Variants in ZGPAT observed in about 807,000 individuals in gnomAD.
The protein encoded by ZGPAT is zinc finger CCCH-type and G-patch domain containing.
Under a neutral mutation model 47.9 loss-of-function variants are expected in ZGPAT, and 39 were observed. The ratio of observed to expected loss-of-function variants is 0.81; its 90% CI spans 0.63 to 1.06. The LOEUF (loss-of-function observed/expected upper bound fraction) is 1.06. Among genes scored for constraint, ZGPAT ranks in the 50% least tolerant of loss-of-function variants. The pLI, the probability that ZGPAT is intolerant of heterozygous loss-of-function variation, is 0.00. For synonymous variants in ZGPAT, 348 were observed against 292.9 expected (o/e 1.19, Z -1.92); for missense variants, 717 against 681.4 (o/e 1.05, Z -0.58).
chr20:63,723,735 A>T (rs1380810582), intron 2 of ZGPAT, among the ~76,000 whole-genome samples: 1 of 152,240 alleles, frequency 6.6e-6, no homozygotes, highest in Non-Finnish European at 1.5e-5. Flanking sequence ...GTATGTTATA[A>T]CTTCAGCTCT....
At chr20:63,720,879 C>T (rs1295784393) in intron 2 of ZGPAT, among the ~76,000 whole-genome samples, 4 of 152,200 alleles carry the variant, frequency 2.6e-5, no homozygotes, top group Admixed American at 1.3e-4. Flanking sequence ...TCAGATCCTC[C>T]GCCCTCTGCA....
rs781595143 is a variant in ZGPAT, at chr20:63,735,303, G to A, written c.1136G>A (p.Arg379Gln). 49 of 1,596,816 alleles carry A rather than the reference G, an allele frequency of 3.1e-5. No homozygotes were observed. In the Middle Eastern group the frequency reaches 5.0e-4, roughly 16 times the overall value. ...GGCACCAACAAGCCCCCCAGGTGCC[G>A]GGGAAGAGGGGCCAGGCCTGGGGGC... ...KAGTNKPPRC[R>Q]GRGARPGGRP... The change falls in exon 6 of 7, where the codon CGG (arginine) becomes CAG (glutamine). Residue 379 changes from arginine (R) to glutamine (Q), a missense_variant. Arg to Gln is a conservative substitution (Grantham distance 43). Transcript: ENST00000355969.
At chr20:63,716,681 T>A (rs924548861) in intron 2 of ZGPAT, among the ~76,000 whole-genome samples, 2 of 151,796 alleles carry the variant, frequency 1.3e-5, no homozygotes, top group Non-Finnish European at 2.9e-5. Context: ...CAGCTAGTTT[T>A]GTTTTGTTTT....
intron 2 of ZGPAT, among the ~76,000 whole-genome samples, chr20:63,718,605 A>G (rs989722535): frequency 2.7e-5 from 4 of 150,478 alleles, no homozygotes; most frequent in African/African-American, 9.8e-5. Flanking sequence ...ACAGGCGTGA[A>G]ACACCATGCC....
In ZGPAT at chr20:63,708,939, A is replaced by T. The variant is rs1338776231; in HGVS notation, c.359A>T (p.Glu120Val). 2 of 1,612,648 alleles carry T rather than the reference A, an allele frequency of 1.2e-6. No homozygotes were observed. Among genetic ancestry groups the T allele is most frequent in the Non-Finnish European group, 1.7e-6 (2 of 1,179,936 alleles). The change falls in exon 2 of 7, where the codon GAG becomes GTG. Residue 120 changes from glutamate (E) to valine (V), a missense_variant. Glu to Val is a moderately radical substitution (Grantham distance 121). Coordinates refer to ENST00000355969, the MANE Select transcript of ZGPAT (RefSeq NM_181485.3). ...GPESAAGGQE[E>V]EEGEDEEELS... ...GAATCTGCGGCAGGTGGGCAGGAGG[A>T]GGAAGAGGGAGAGGACGAGGAAGAG...
intron 2 of ZGPAT, among the ~76,000 whole-genome samples, chr20:63,730,922 T>TTCTCTC (rs33915732): frequency 0.021 from 2,594 of 124,424 alleles, 62 homozygotes; most frequent in East Asian, 0.12. Context: ...TTCCTCTTCA[T>TTCTCTC]TCTCTCTCTC....
rs1039054871 is a variant in ZGPAT, at chr20:63,710,907, A to G, written c.584+1743A>G. Among the ~76,000 whole-genome samples, 22 of 151,962 alleles carry G rather than the reference A, an allele frequency of 1.4e-4. 1 individual carries two copies. Among genetic ancestry groups the G allele is most frequent in the East Asian group, 1.2e-3 (6 of 5,174 alleles). On this transcript the variant is annotated intron_variant, in intron 2 of 6. Coordinates refer to ENST00000355969, the MANE Select transcript of ZGPAT (RefSeq NM_181485.3). ...CATAGCTTTATTTTTCCTCCTTTTT[A>G]CTTTTCTCTTAGAAGAAATATTTAC...
chr20:63,718,330 C>T (rs200257576), intron 2 of ZGPAT, among the ~76,000 whole-genome samples: 1 of 98,770 alleles, frequency 1.0e-5, no homozygotes, highest in Non-Finnish European at 2.5e-5. Context: ...AAAAGTTTTT[C>T]TTTCTTTCTT....
In ZGPAT at chr20:63,709,104, A is replaced by G; in HGVS notation, c.524A>G (p.Lys175Arg). The G allele has an allele frequency of 3.7e-6, 6 of 1,613,284 alleles. No homozygotes were observed. The highest frequency in any genetic ancestry group is 5.1e-6 in the Non-Finnish European group (6 of 1,180,028). The change falls in exon 2 of 7, where the codon AAG (lysine) becomes AGG (arginine). Residue 175 changes from lysine (K) to arginine (R), a missense_variant. Lys to Arg is a conservative substitution (Grantham distance 26). Transcript: ENST00000355969. ...VRVLYLYPTH[K>R]SLKPCPFFLE... ...GTGCTTTACCTGTACCCCACTCACA[A>G]GTCTCTGAAGCCGTGCCCGTTCTTC...
intron 2 of ZGPAT, among the ~76,000 whole-genome samples, chr20:63,723,456 C>T: frequency 6.7e-6 from 1 of 148,676 alleles, no homozygotes; most frequent in Non-Finnish European, 1.5e-5. Flanking sequence ...GGCATAGCTC[C>T]ATCCTCCCTT....
At chr20:63,734,596 A>G (rs1268683232) in intron 4 of ZGPAT, 109 bp from the exon 5 acceptor site, 6 of 1,540,744 alleles carry the variant, frequency 3.9e-6, no homozygotes, top group South Asian at 1.2e-5. Context: ...GTCACCATGC[A>G]CAATCCTCTG....
intron 2 of ZGPAT, among the ~76,000 whole-genome samples, chr20:63,725,078 G>A (rs532488990): frequency 7.5e-5 from 11 of 146,654 alleles, no homozygotes; most frequent in South Asian, 2.2e-4. Context: ...TCCGCCTCCC[G>A]GGTTCACGCC....
At chr20:63,730,830 G>C (rs1187192462) in intron 2 of ZGPAT, among the ~76,000 whole-genome samples, 1 of 152,016 alleles carries the variant, frequency 6.6e-6, no homozygotes, top group Non-Finnish European at 1.5e-5. Context: ...TGAAACGATG[G>C]CATGGCAGCA....
chr20:63,732,726 A>ATGTGTATGTCTGTATATGTG (rs1193107031), intron 2 of ZGPAT, among the ~76,000 whole-genome samples: 7 of 148,936 alleles, frequency 4.7e-5, no homozygotes, highest in Non-Finnish European at 7.4e-5. Flanking sequence ...GTATGTGTAT[A>ATGTGTATGTCTGTATATGTG]TGTGTATGTC....
Position 63,709,899 on chromosome 20 carries a change from T to A in ZGPAT, c.584+735T>A, listed in dbSNP as rs186635903. On this transcript the variant is annotated intron_variant, in intron 2 of 6. Coordinates refer to ENST00000355969, the MANE Select transcript of ZGPAT (RefSeq NM_181485.3). ...TTTTTGAGATGGAGTCTTGTTCTGT[T>A]GCCCAGGCTGGAGTGCAGTGGCGTG... Among the ~76,000 whole-genome samples, 67 of 151,990 alleles carry A rather than the reference T, an allele frequency of 4.4e-4. 1 individual carries two copies. The East Asian group carries it at 0.012, about 26-fold the overall frequency.
At chr20:63,713,805 A>G (rs868244585) in intron 2 of ZGPAT, among the ~76,000 whole-genome samples, 2 of 150,578 alleles carry the variant, frequency 1.3e-5, no homozygotes, top group African/African-American at 4.9e-5. Flanking sequence ...TGGGAGGCGG[A>G]GGTTGCAGTG....
At position 63,708,708 on chromosome 20, in the gene ZGPAT, T is replaced by G. The variant is rs759005591; in HGVS notation, c.128T>G (p.Leu43Arg). ...QADLRQLQGD[L>R]KELIELTEAS... ...GACCTGCGCCAGCTGCAGGGGGACC[T>G]GAAGGAGCTCATCGAGCTCACCGAG... The change falls in exon 2 of 7, where the codon CTG (leucine) becomes CGG (arginine). Residue 43 changes from leucine to arginine, a missense_variant. Leu to Arg is a moderately radical substitution (Grantham distance 102, BLOSUM62 -2). Transcript: ENST00000355969. 6.2e-7 allele frequency: 1 copy of G among 1,612,744 alleles called. No homozygotes were observed. The highest frequency in any genetic ancestry group is 1.1e-5 in the South Asian group (1 of 91,080).
chr20:63,731,045 C>A (rs1448478868), intron 2 of ZGPAT, among the ~76,000 whole-genome samples: 1 of 151,298 alleles, frequency 6.6e-6, no homozygotes, highest in African/African-American at 2.4e-5. Flanking sequence ...GTCAAGGCAT[C>A]ACTATTTCAT....
At chr20:63,729,222 G>A (rs965694881) in intron 2 of ZGPAT, among the ~76,000 whole-genome samples, 1 of 151,978 alleles carries the variant, frequency 6.6e-6, no homozygotes, top group Non-Finnish European at 1.5e-5. Context: ...TAGAGGTGGG[G>A]TTTCACCACG....
Sources: gnomAD v4.1 joint callset for allele counts (sites outside exome capture counted in the v4.1 genomes callset) on GRCh38, gnomAD v4.1.1 for gene constraint, MANE v1.5 for transcripts, NCBI Gene and HGNC (gene_info 2026-07-23, HGNC 2026-07-21) for gene names.